FRY: variants seen among roughly 807,000 people sequenced by gnomAD.
The protein encoded by FRY is protein furry homolog.
Under a neutral mutation model 348.4 loss-of-function variants are expected in FRY, and 128 were observed. That is an observed-to-expected ratio of 0.37 (90% confidence interval 0.32 to 0.43). The LOEUF (loss-of-function observed/expected upper bound fraction) is 0.43. FRY is among the 20% of genes least tolerant of loss of function. The pLI, the probability that FRY is intolerant of heterozygous loss-of-function variation, is 1.00. For synonymous variants in FRY, 1,370 were observed against 1,374.7 expected (o/e 1.00, Z 0.08); for missense variants, 2,736 against 3,695.2 (o/e 0.74, Z 6.73).
At chr13:32,212,477 A>G (rs798984) in intron 35 of FRY, 95 bp downstream of exon 35, 321,748 of 796,180 alleles carry the variant, frequency 0.4, 67,242 homozygotes, top group Admixed American at 0.44. Context: ...CATAAATTTT[A>G]CACGTACATA....
At chr13:32,153,975 AT>A (rs1489601595) in intron 14 of FRY, among the ~76,000 whole-genome samples, 1 of 152,184 alleles carries the variant, frequency 6.6e-6, no homozygotes, top group Non-Finnish European at 1.5e-5. Flanking sequence ...GTACCAAACT[AT>A]CCCATCTTAT....
At chr13:32,088,160 G>A (rs1312546668) in intron 2 of FRY, among the ~76,000 whole-genome samples, 1 of 152,174 alleles carries the variant, frequency 6.6e-6, no homozygotes, top group Non-Finnish European at 1.5e-5. Flanking sequence ...AGCTAGTCTT[G>A]TTGGTCAAAC....
intron 54 of FRY, among the ~76,000 whole-genome samples, chr13:32,266,873 A>C (rs1887950495): frequency 6.6e-6 from 1 of 152,138 alleles, no homozygotes; most frequent in Non-Finnish European, 1.5e-5. Context: ...AGTCCCAGTT[A>C]CTCTGGTGAC....
At chr13:32,227,953 T>G (rs1362755772) in intron 39 of FRY, among the ~76,000 whole-genome samples, 1 of 152,174 alleles carries the variant, frequency 6.6e-6, no homozygotes, top group Non-Finnish European at 1.5e-5. Flanking sequence ...GGTTTCACCA[T>G]GCTAGCCAGG....
intron 4 of FRY, among the ~76,000 whole-genome samples, chr13:32,123,265 G>A (rs535675201): frequency 2.0e-3 from 303 of 152,232 alleles, no homozygotes; most frequent in Non-Finnish European, 3.5e-3. Context: ...AAATCTGGAG[G>A]CATCACACTA....
intron 51 of FRY, among the ~76,000 whole-genome samples, chr13:32,257,094 A>G (rs1355923741): frequency 6.6e-6 from 1 of 152,216 alleles, no homozygotes; most frequent in Non-Finnish European, 1.5e-5. Flanking sequence ...CATTATGTAT[A>G]TGCAAATATT....
intron 31 of FRY, among the ~76,000 whole-genome samples, chr13:32,207,339 T>C (rs1204922234): frequency 6.6e-6 from 1 of 152,164 alleles, no homozygotes; most frequent in African/African-American, 2.4e-5. Flanking sequence ...CACCCAGAAG[T>C]CATTTTCCAC....
intron 1 of FRY, among the ~76,000 whole-genome samples, chr13:32,065,230 C>T (rs1229315824): frequency 2.0e-5 from 3 of 152,006 alleles, no homozygotes; most frequent in African/African-American, 7.3e-5. Flanking sequence ...TAACATATTG[C>T]CATCACTCAA....
Position 32,173,692 on chromosome 13 carries a change from T to C in FRY, c.2334+143T>C, listed in dbSNP as rs945772619. On this transcript the variant is annotated intron_variant, in intron 19 of 60. Transcript: ENST00000542859. ...TCATTCATTGTTAGGTTTTAAACTATTGTAATAACATTCTTGATCTACTAG... is the reference window on the plus strand; with the variant it reads ...TCATTCATTGTTAGGTTTTAAACTACTGTAATAACATTCTTGATCTACTAG... 8 of 718,000 alleles carry C rather than the reference T, an allele frequency of 1.1e-5. No homozygotes were observed. In the East Asian group the frequency reaches 2.1e-4, roughly 19 times the overall value. 44.5% of individuals were successfully genotyped at this position (718,000 alleles called of 1,614,324 possible). A position where few individuals can be genotyped will look rare whatever the true frequency, so the allele number is the denominator to read the frequency against.
intron 3 of FRY, among the ~76,000 whole-genome samples, 191 bp from the exon 4 acceptor site, chr13:32,117,143 A>T (rs552291235): frequency 2.6e-5 from 4 of 152,344 alleles, no homozygotes; most frequent in African/African-American, 7.2e-5. Flanking sequence ...AATTATTCTT[A>T]TATGGGGAAC....
rs1449180435 is a variant in FRY at position 32,178,320 on chromosome 13, CCT to C, written c.2568_2569del (p.Phe857GlnfsTer38). 6.2e-7 allele frequency: 1 copy of C among 1,614,212 alleles called. No individual in the cohort carries two copies. The highest frequency in any genetic ancestry group is 8.5e-7 in the Non-Finnish European group (1 of 1,180,034). On this transcript the variant is annotated frameshift_variant, in exon 21 of 61. Coordinates refer to ENST00000542859, the MANE Select transcript of FRY (RefSeq NM_023037.3). LOFTEE classifies it high-confidence loss of function. ...CTGTCAAAGACCCCTGGGTCCTCTGCCTCTTCAGCTTCCTCCGGCAGGAGAAC... is the reference window on the plus strand; with the variant it reads ...CTGTCAAAGACCCCTGGGTCCTCTGCCTTCAGCTTCCTCCGGCAGGAGAAC... Reference protein sequence around the residue: ...QSVKDPWVLCLFSFLRQENLP... With the variant: ...QSVKDPWVLCXFSFLRQENLP...
intron 19 of FRY, 127 bp downstream of exon 19, chr13:32,173,676 G>T (rs530794228): frequency 7.8e-6 from 6 of 767,348 alleles, no homozygotes; most frequent in African/African-American, 5.2e-5. Context: ...TTCATTCATT[G>T]TTAGGTTTTA....
intron 31 of FRY, among the ~76,000 whole-genome samples, chr13:32,205,257 C>T (rs1884291388): frequency 6.9e-6 from 1 of 144,022 alleles, no homozygotes; most frequent in African/African-American, 2.6e-5. Flanking sequence ...TACAGTATAG[C>T]AAATGCAATT....
At chr13:32,199,671 C>A (rs1278478977) in intron 29 of FRY, among the ~76,000 whole-genome samples, 1 of 152,086 alleles carries the variant, frequency 6.6e-6, no homozygotes, top group Non-Finnish European at 1.5e-5. Flanking sequence ...ATCTTCAGGG[C>A]GGACCCTGTA....
intron 47 of FRY, among the ~76,000 whole-genome samples, chr13:32,244,391 C>T (rs574061011): frequency 6.6e-5 from 10 of 152,300 alleles, no homozygotes; most frequent in Non-Finnish European, 8.8e-5. Context: ...CGGCACACTC[C>T]GGTGCCTTTA....
chr13:32,175,653 A>C (rs921228363), intron 20 of FRY, 21 bp downstream of exon 20: 14 of 1,296,778 alleles, frequency 1.1e-5, no homozygotes, highest in Non-Finnish European at 1.6e-5. Flanking sequence ...ATTTGATTCC[A>C]ATTAATGGCT....
chr13:32,121,608 A>G (rs773730386), intron 4 of FRY, among the ~76,000 whole-genome samples: 6 of 152,082 alleles, frequency 3.9e-5, no homozygotes, highest in Non-Finnish European at 8.8e-5. Context: ...TCATGACCTT[A>G]GCCCACTTTT....
Position 32,247,516 on chromosome 13 carries a change from T to C in FRY, c.7008+14T>C. 1.9e-6 allele frequency: 3 copies of C among 1,598,086 alleles called. No homozygotes were observed. The highest frequency in any genetic ancestry group is 1.7e-6 in the Non-Finnish European group (2 of 1,165,304). On this transcript the variant is annotated intron_variant, in intron 48 of 60. Transcript: ENST00000542859. ...GATATTTCGGAGGTACTTAGCTATGTTAACTATTTCTGTGAACTTTAGCAT... is the reference window on the plus strand; with the variant it reads ...GATATTTCGGAGGTACTTAGCTATGCTAACTATTTCTGTGAACTTTAGCAT...
chr13:32,174,828 A>G (rs1170611350), intron 19 of FRY, among the ~76,000 whole-genome samples: 1 of 152,126 alleles, frequency 6.6e-6, no homozygotes, highest in Non-Finnish European at 1.5e-5. Flanking sequence ...CAATTTCTCC[A>G]TAAGGGATGG....
Sources: gnomAD v4.1 joint callset for allele counts (sites outside exome capture counted in the v4.1 genomes callset) on GRCh38, gnomAD v4.1.1 for gene constraint, MANE v1.5 for transcripts, NCBI Gene and HGNC (gene_info 2026-07-23, HGNC 2026-07-21) for gene names.